Variants in CACUL1 observed in about 807,000 individuals in gnomAD.
The protein encoded by CACUL1 is CDK2 associated cullin domain 1, also known as CDK2-associated and cullin domain-containing protein 1.
Under a neutral mutation model 45.2 loss-of-function variants are expected in CACUL1, and 13 were observed. That is an observed-to-expected ratio of 0.29 (90% CI 0.19 to 0.46). The LOEUF (loss-of-function observed/expected upper bound fraction) is 0.46. Ranked by LOEUF, CACUL1 falls within the 20% of genes least tolerant of loss-of-function variation. CACUL1 has a pLI of 1.00. For missense variants in CACUL1, 421 were observed against 471.4 expected (o/e 0.89, Z 0.99); for synonymous variants, 197 against 174.2 (o/e 1.13, Z -1.03).
chr10:118,737,832 T>C (rs985367141), intron 1 of CACUL1, among the ~76,000 whole-genome samples: 2 of 152,204 alleles, frequency 1.3e-5, no homozygotes, highest in Non-Finnish European at 2.9e-5. Context: ...ATGGACATGT[T>C]ATGACATACA....
At chr10:118,720,543 G>A (rs949109910) in intron 3 of CACUL1, among the ~76,000 whole-genome samples, 1 of 152,154 alleles carries the variant, frequency 6.6e-6, no homozygotes, top group Non-Finnish European at 1.5e-5. Context: ...CCATGCAAAT[G>A]TACTCTGTAC....
intron 1 of CACUL1, among the ~76,000 whole-genome samples, chr10:118,743,549 T>C (rs934105792): frequency 5.9e-5 from 9 of 151,884 alleles, no homozygotes; most frequent in African/African-American, 1.7e-4. Flanking sequence ...GCCAACATGG[T>C]GAAACCCTGT....
At position 118,709,908 on chromosome 10, in the gene CACUL1, T is replaced by TA. The variant is rs200689510; in HGVS notation, c.598-2322_598-2321insT. On this transcript the variant is annotated intron_variant, in intron 3 of 8. Transcript: ENST00000369151. Reference sequence around the variant, plus strand: ...ACATTTCTTTTTTTTAAATTATTATTTTTTTTTGTACATTTTGAGAAAGGT... The same window carrying TA: ...ACATTTCTTTTTTTTAAATTATTATTATTTTTTTGTACATTTTGAGAAAGGT... 2.5e-3 allele frequency among the ~76,000 whole-genome samples: 383 copies of TA among 151,966 alleles called. 1 individual carries two copies. Among genetic ancestry groups the TA allele is most frequent in the Middle Eastern group, 0.024 (7 of 294 alleles).
intron 1 of CACUL1, among the ~76,000 whole-genome samples, chr10:118,737,048 A>T (rs1190223417): frequency 2.0e-5 from 3 of 152,108 alleles, no homozygotes; most frequent in Admixed American, 1.3e-4. Flanking sequence ...TCGCCTAACA[A>T]AACAATTCTC....
chr10:118,750,461 G>A (rs1172713879), intron 1 of CACUL1, among the ~76,000 whole-genome samples: 1 of 152,172 alleles, frequency 6.6e-6, no homozygotes, highest in African/African-American at 2.4e-5. Flanking sequence ...TTTAGTTGCT[G>A]TTCCAGACAT....
chr10:118,727,779 GA>G (rs1307337245), intron 3 of CACUL1, among the ~76,000 whole-genome samples: 6 of 152,212 alleles, frequency 3.9e-5, no homozygotes, highest in African/African-American at 1.4e-4. Context: ...AAACAGTCGA[GA>G]AATGATGATG....
rs1238313817 is a variant in CACUL1 at position 118,682,436 on chromosome 10, A to C, written c.*3692T>G. On this transcript the variant is annotated 3_prime_UTR_variant, in exon 9 of 9. Transcript: ENST00000369151. ...AGAAAATAAAGCCAGCCTCAATAAT[A>C]AAAAGGCAAAATCTGGAGGGGTTAC... is the stretch of plus-strand genomic sequence containing the variant. 1.3e-5 allele frequency: 2 copies of C among 152,532 alleles called. No individual in the cohort carries two copies. Among genetic ancestry groups the C allele is most frequent in the Non-Finnish European group, 2.9e-5 (2 of 68,034 alleles). The allele number at this position is 152,532 out of a possible 1,614,324, so 9.4% of individuals were successfully genotyped here. A position where few individuals can be genotyped will look rare whatever the true frequency, so the allele number is the denominator to read the frequency against.
At position 118,707,528 on chromosome 10, in the gene CACUL1, T is replaced by C; in HGVS notation, c.657A>G (p.Gly219=). Residue 219 remains glycine (G), a synonymous_variant, in exon 4 of 9, where the codon GGA becomes GGG. Transcript: ENST00000369151. Reference sequence around the variant, plus strand: ...AAAGAGGCACAATGCTCTGCAATGCTCCCATATATTGTCCAAGAGCTATAT... The same window carrying C: ...AAAGAGGCACAATGCTCTGCAATGCCCCCATATATTGTCCAAGAGCTATAT... ...RFNIALGQYM[G]ALQSIVPLFI... is the part of the protein sequence containing the mutation. The C allele has an allele frequency of 6.3e-7, 1 of 1,584,134 alleles. No individual in the cohort carries two copies.
intron 7 of CACUL1, among the ~76,000 whole-genome samples, chr10:118,687,821 ATAT>A (rs538371206): frequency 1.2e-3 from 178 of 151,524 alleles, no homozygotes; most frequent in South Asian, 8.0e-3. Flanking sequence ...TTACTACTCA[ATAT>A]TATTTTTTTT....
chr10:118,687,528 CCA>C (rs1564827136), intron 7 of CACUL1, among the ~76,000 whole-genome samples: 1 of 152,088 alleles, frequency 6.6e-6, no homozygotes, highest in Non-Finnish European at 1.5e-5. Context: ...CCAAGCCAAG[CCA>C]CAGTCTTCTC....
chr10:118,687,730 T>C (rs1056866543), intron 7 of CACUL1, among the ~76,000 whole-genome samples: 1 of 152,234 alleles, frequency 6.6e-6, no homozygotes, highest in African/African-American at 2.4e-5. Context: ...TCTGCCTCTG[T>C]TCACTATAAG....
At position 118,683,337 on chromosome 10, in the gene CACUL1, A is replaced by T. The variant is rs1238304743; in HGVS notation, c.*2791T>A. The T allele has an allele frequency of 1.3e-5, 2 of 150,656 alleles. No homozygotes were observed. The highest frequency in any genetic ancestry group is 2.9e-5 in the Non-Finnish European group (2 of 67,890). The allele number at this position is 150,656 out of a possible 1,614,324, so 9.3% of individuals were successfully genotyped here. A position where few individuals can be genotyped will look rare whatever the true frequency, so the allele number is the denominator to read the frequency against. ...TTGGGCCTTTAGTGATGTGGTACAA[A>T]ACCCAGTATGTAATTGGGGTAGAAA... On this transcript the variant is annotated 3_prime_UTR_variant, in exon 9 of 9. Coordinates refer to ENST00000369151, the MANE Select transcript of CACUL1 (RefSeq NM_153810.5).
At chr10:118,704,306 A>C (rs1845412999) in intron 4 of CACUL1, among the ~76,000 whole-genome samples, 1 of 151,936 alleles carries the variant, frequency 6.6e-6, no homozygotes, top group Non-Finnish European at 1.5e-5. Flanking sequence ...AAACTTCTAC[A>C]TTTACTTCAG....
At chr10:118,719,961 G>A (rs1183384220) in intron 3 of CACUL1, among the ~76,000 whole-genome samples, 1 of 152,092 alleles carries the variant, frequency 6.6e-6, no homozygotes, top group Non-Finnish European at 1.5e-5. Context: ...CTATTTAAGA[G>A]CTATAATATA....
chr10:118,754,252 A>G, intron 1 of CACUL1, 144 bp downstream of exon 1: 1 of 1,236,444 alleles, frequency 8.1e-7, no homozygotes, highest in East Asian at 2.8e-5. Flanking sequence ...AGGGGGAAGG[A>G]GGCAGGGAGG....
At chr10:118,731,070 C>T (rs1030471200) in intron 1 of CACUL1, among the ~76,000 whole-genome samples, 4 of 152,146 alleles carry the variant, frequency 2.6e-5, no homozygotes, top group East Asian at 1.9e-4. Flanking sequence ...TACAGACAGG[C>T]TCTTACTCCC....
chr10:118,715,214 A>G (rs887021548), intron 3 of CACUL1, among the ~76,000 whole-genome samples: 5 of 152,238 alleles, frequency 3.3e-5, no homozygotes, highest in Admixed American at 6.5e-5. Flanking sequence ...AAATATATAT[A>G]TACACATACA....
chr10:118,754,704 TGGTCGTC>T lies in CACUL1; in HGVS notation c.52_58del (p.Asp18ArgfsTer68). On this transcript the variant is annotated frameshift_variant, in exon 1 of 9. Coordinates refer to ENST00000369151, the MANE Select transcript of CACUL1 (RefSeq NM_153810.5). LOFTEE classifies it high-confidence loss of function. ...CGCAGCCTCCCAGTTGTTGTGGTTCTGGTCGTCCATCATCGCCTCGTAGCTGCCCCCC... is the reference window on the plus strand; with the variant it reads ...CGCAGCCTCCCAGTTGTTGTGGTTCTCATCATCGCCTCGTAGCTGCCCCCC... 6.2e-7 allele frequency: 1 copy of T among 1,607,132 alleles called. No individual in the cohort carries two copies. Among genetic ancestry groups the T allele is most frequent in the Non-Finnish European group, 8.5e-7 (1 of 1,177,420 alleles).
intron 1 of CACUL1, among the ~76,000 whole-genome samples, chr10:118,732,148 A>G (rs560298293): frequency 6.6e-6 from 1 of 152,338 alleles, no homozygotes; most frequent in East Asian, 1.9e-4. Flanking sequence ...GGATCATTCC[A>G]GCAGCTGTGC....
Sources: allele counts gnomAD v4.1 joint callset (sites outside exome capture counted in the v4.1 genomes callset), GRCh38; gene constraint gnomAD v4.1.1; transcripts MANE v1.5; gene names NCBI Gene and HGNC (gene_info 2026-07-23, HGNC 2026-07-21).